The following PABPC4L variants were observed in gnomAD, a reference collection of about 807,000 sequenced individuals.
PABPC4L encodes the protein polyadenylate-binding protein 4-like.
For missense variants in PABPC4L, 452 were observed against 451.4 expected (o/e 1.00, Z -0.01); for synonymous variants, 169 against 164.1 (o/e 1.03, Z -0.23).
At chr4:134,189,811 T>C in the PABPC4L span, among the ~76,000 whole-genome samples, 1 of 152,226 alleles carries the variant, frequency 6.6e-6, no homozygotes, top group Non-Finnish European at 1.5e-5. Context: ...TAACTAGAGT[T>C]GACTGGAATT....
At chr4:134,127,016 G>A in the PABPC4L span, among the ~76,000 whole-genome samples, 2 of 152,052 alleles carry the variant, frequency 1.3e-5, no homozygotes, top group Non-Finnish European at 2.9e-5. Flanking sequence ...GGCTTTCCCT[G>A]ACTTTCCTGG....
chr4:134,071,952 A>G, the PABPC4L span, among the ~76,000 whole-genome samples: 1 of 152,150 alleles, frequency 6.6e-6, no homozygotes, highest in Non-Finnish European at 1.5e-5. Context: ...AGTTGTATAG[A>G]TAAGAATGTT....
chr4:134,200,054 A>G lies in PABPC4L; in HGVS notation c.966T>C (p.Val322=). 1 of 1,551,636 alleles carries G rather than the reference A, an allele frequency of 6.4e-7. No homozygotes were observed. The highest frequency in any genetic ancestry group is 8.7e-7 in the Non-Finnish European group (1 of 1,146,972). The change falls in exon 2 of 2, where the codon GTT becomes GTC. Residue 322 remains valine (V), a synonymous_variant. Transcript: ENST00000421491. ...TCTGCCCCTCTTCCTGCATTACCTT[A>G]ACTCTGCTAATTGATCCAAATGAAG... ...EFSSFGSISR[V]KVMQEEGQSK...
the PABPC4L span, among the ~76,000 whole-genome samples, chr4:133,963,648 G>C: frequency 1.3e-5 from 2 of 152,088 alleles, no homozygotes; most frequent in South Asian, 4.2e-4. Flanking sequence ...CACTCTCTCT[G>C]ACCACAGAGG....
At chr4:134,052,426 A>G in the PABPC4L span, among the ~76,000 whole-genome samples, 1 of 152,042 alleles carries the variant, frequency 6.6e-6, no homozygotes, top group African/African-American at 2.4e-5. Flanking sequence ...ATCTGGTTTC[A>G]TCAAGTACTT....
chr4:133,982,325 T>A, the PABPC4L span, among the ~76,000 whole-genome samples: 3 of 151,996 alleles, frequency 2.0e-5, no homozygotes, highest in African/African-American at 7.2e-5. Flanking sequence ...AGACAAAACA[T>A]CTACTCCTCA....
the PABPC4L span, among the ~76,000 whole-genome samples, chr4:134,081,123 A>G: frequency 6.6e-6 from 1 of 152,216 alleles, no homozygotes; most frequent in Admixed American, 6.5e-5. Context: ...AAGATTTGAA[A>G]GTAAAAGTAG....
chr4:134,121,334 A>G, the PABPC4L span, among the ~76,000 whole-genome samples: 1 of 151,108 alleles, frequency 6.6e-6, no homozygotes, highest in Non-Finnish European at 1.5e-5. Context: ...TCTTCCTTCG[A>G]GTTTTGTAAC....
chr4:134,158,846 A>G, the PABPC4L span, among the ~76,000 whole-genome samples: 3 of 152,236 alleles, frequency 2.0e-5, no homozygotes, highest in East Asian at 3.9e-4. Flanking sequence ...GTGCATTTAC[A>G]CAAACTTAGA....
At chr4:134,065,648 T>C in the PABPC4L span, among the ~76,000 whole-genome samples, 1 of 152,276 alleles carries the variant, frequency 6.6e-6, no homozygotes, top group Admixed American at 6.5e-5. Context: ...CTTTTTTATT[T>C]TTTTCGCAGT....
the PABPC4L span, among the ~76,000 whole-genome samples, chr4:134,153,357 GTA>G: frequency 2.7e-4 from 41 of 150,128 alleles, no homozygotes; most frequent in Non-Finnish European, 5.5e-4. Context: ...AAGTATGTGT[GTA>G]TATATATATA....
the PABPC4L span, among the ~76,000 whole-genome samples, chr4:134,031,509 C>T: frequency 1.3e-5 from 2 of 152,056 alleles, no homozygotes; most frequent in South Asian, 4.1e-4. Context: ...GTGGCTCTGA[C>T]ATCCTCAGTC....
At chr4:133,962,619 T>C in the PABPC4L span, among the ~76,000 whole-genome samples, 1 of 152,164 alleles carries the variant, frequency 6.6e-6, no homozygotes, top group African/African-American at 2.4e-5. Flanking sequence ...AGATTAACAG[T>C]AGATTTCTCA....
chr4:134,120,551 A>AT, the PABPC4L span, among the ~76,000 whole-genome samples: 4 of 150,460 alleles, frequency 2.7e-5, no homozygotes, highest in Admixed American at 2.7e-4. Context: ...GCTGGAGAAA[A>AT]TTTTTTTAGT....
At chr4:134,054,889 A>T in the PABPC4L span, among the ~76,000 whole-genome samples, 1 of 152,214 alleles carries the variant, frequency 6.6e-6, no homozygotes, top group South Asian at 2.1e-4. Context: ...AAAATGTCCA[A>T]GAATTCAATT....
At chr4:133,987,386 C>A in the PABPC4L span, among the ~76,000 whole-genome samples, 1 of 152,082 alleles carries the variant, frequency 6.6e-6, no homozygotes. Context: ...TTTGTAATTT[C>A]TGGGAACAAT....
At chr4:134,000,849 C>T in the PABPC4L span, among the ~76,000 whole-genome samples, 11 of 152,096 alleles carry the variant, frequency 7.2e-5, no homozygotes, top group East Asian at 3.9e-4. Context: ...GGAACATACA[C>T]CATCAGCAAT....
At chr4:134,143,056 A>G in the PABPC4L span, among the ~76,000 whole-genome samples, 1 of 151,500 alleles carries the variant, frequency 6.6e-6, no homozygotes. Flanking sequence ...ATCTTTCACC[A>G]TAAAATACTA....
At chr4:134,134,808 G>A in the PABPC4L span, among the ~76,000 whole-genome samples, 1 of 151,478 alleles carries the variant, frequency 6.6e-6, no homozygotes, top group Admixed American at 6.6e-5. Context: ...CAAACAGAAA[G>A]TGGTTCTTTC....
Sources: gnomAD v4.1 joint callset for allele counts (sites outside exome capture counted in the v4.1 genomes callset) on GRCh38, gnomAD v4.1.1 for gene constraint, MANE v1.5 for transcripts, NCBI Gene and HGNC (gene_info 2026-07-23, HGNC 2026-07-21) for gene names.